TTC6: variants seen among roughly 807,000 people sequenced by gnomAD.
The protein encoded by TTC6 is tetratricopeptide repeat protein 6.
A neutral mutation model predicts 210.4 loss-of-function variants in TTC6; 172 were observed. That is an observed-to-expected ratio of 0.82 (90% confidence interval 0.72 to 0.93). The LOEUF (loss-of-function observed/expected upper bound fraction) is 0.93. TTC6 is among the 40% of genes least tolerant of loss of function. TTC6 has a pLI of 0.00. For missense variants in TTC6, 2,414 were observed against 2,318.1 expected (o/e 1.04, Z -0.85); for synonymous variants, 804 against 819.6 (o/e 0.98, Z 0.32).
exon 10 of TTC6, chr14:37,738,877 A>T: frequency 1.3e-6 from 2 of 1,535,172 alleles, no homozygotes; most frequent in Non-Finnish European, 1.7e-6. Context: ...TGTTTCAGAA[A>T]GCAAAGGAAT....
Position 37,671,170 on chromosome 14 carries a change from C to T in TTC6, c.940-8981C>T, listed in dbSNP as rs177901. Among the ~76,000 whole-genome samples, 595 of 152,262 alleles carry T rather than the reference C, an allele frequency of 3.9e-3. 8 individuals are homozygous for T. Among genetic ancestry groups the T allele is most frequent in the African/African-American group, 0.013 (538 of 41,556 alleles). ...TGAGGGATCTGCTCCCAGGATGCCT[C>T]AGTCATAAGACTGGCAATTTGGTGC... On this transcript the variant is annotated intron_variant, in intron 1 of 30. Transcript: ENST00000553443.
intron 1 of TTC6, among the ~76,000 whole-genome samples, chr14:37,632,719 G>A (rs189739694): frequency 8.1e-4 from 124 of 152,296 alleles, no homozygotes; most frequent in African/African-American, 3.0e-3. Flanking sequence ...TGCACCCCCA[G>A]CCGCCCCTTC....
At chr14:37,661,408 A>G (rs971196131) in intron 1 of TTC6, among the ~76,000 whole-genome samples, 4 of 152,166 alleles carry the variant, frequency 2.6e-5, no homozygotes, top group Admixed American at 2.6e-4. Flanking sequence ...TTCTCCTAGC[A>G]CCATTTATTG....
chr14:37,840,869 ATTT>A (rs71127249), intron 29 of TTC6, among the ~76,000 whole-genome samples: 334 of 137,576 alleles, frequency 2.4e-3, no homozygotes, highest in Middle Eastern at 7.4e-3. Flanking sequence ...CAGTGGGAGG[ATTT>A]TTTTTTTTTT....
intron 1 of TTC6, among the ~76,000 whole-genome samples, chr14:37,674,403 G>A (rs1183607129): frequency 1.3e-5 from 2 of 151,840 alleles, no homozygotes; most frequent in Non-Finnish European, 2.9e-5. Context: ...AAATTATGAT[G>A]GTACCAATAG....
intron 7 of TTC6, among the ~76,000 whole-genome samples, chr14:37,726,755 T>C (rs1332270302): frequency 1.3e-5 from 2 of 152,142 alleles, no homozygotes; most frequent in Middle Eastern, 3.2e-3. Context: ...TAAAATTTTT[T>C]CTTTTCTAAT....
At chr14:37,748,865 G>T in intron 10 of TTC6, 74 bp from the exon 13 acceptor site, 2 of 1,189,436 alleles carry the variant, frequency 1.7e-6, no homozygotes, top group Non-Finnish European at 2.2e-6. Flanking sequence ...TTTTATGTGT[G>T]GCTGAGTTGA....
chr14:37,725,312 G>GTATGTATA (rs1555391404), intron 7 of TTC6, among the ~76,000 whole-genome samples: 10 of 33,910 alleles, frequency 2.9e-4, no homozygotes, highest in Non-Finnish European at 3.9e-4. Context: ...GTGTGTGTGT[G>GTATGTATA]TATATATATA....
In TTC6 at chr14:37,650,194, T is replaced by G. The variant is rs578229351; in HGVS notation, c.939+27191T>G. ...AGAGGCGCTAAGTTGATCTTTTTCT[T>G]GAGGACGAAGGGCACCATTTTGGAT... On this transcript the variant is annotated intron_variant, in intron 1 of 30. Coordinates refer to ENST00000553443, the Ensembl canonical transcript of TTC6. Among the ~76,000 whole-genome samples, 8 of 152,348 alleles carry G rather than the reference T, an allele frequency of 5.3e-5. No homozygotes were observed. The South Asian group carries it at 1.4e-3, about 28-fold the overall frequency.
intron 14 of TTC6, among the ~76,000 whole-genome samples, chr14:37,771,921 C>A (rs994604052): frequency 6.6e-6 from 1 of 152,240 alleles, no homozygotes; most frequent in South Asian, 2.1e-4. Context: ...TGTTTTTTCC[C>A]CATCTTTGTG....
rs967504305 is a variant in TTC6, at chr14:37,765,325, ATTTTTTT to A, written c.3266+12104_3266+12110del. Among the ~76,000 whole-genome samples, 1,102 of 132,926 alleles carry A rather than the reference ATTTTTTT, an allele frequency of 8.3e-3. 5 individuals carry two copies. The highest frequency in any genetic ancestry group is 0.013 in the Admixed American group (165 of 12,368). The allele number at this position is 132,926 out of a possible 152,430, so 87.2% of individuals were successfully genotyped here. A position where few individuals can be genotyped will look rare whatever the true frequency, so the allele number is the denominator to read the frequency against. ...CTATAGGTGCACACCACCACACCTA[ATTTTTTT>A]TTTTTTTTTTTTTGTAGAGAGGCAC... On this transcript the variant is annotated intron_variant, in intron 14 of 30. Coordinates refer to ENST00000553443, the Ensembl canonical transcript of TTC6.
chr14:37,599,487 AT>A (rs2095611144), intron 1 of TTC6, among the ~76,000 whole-genome samples: 4 of 152,124 alleles, frequency 2.6e-5, no homozygotes, highest in Admixed American at 2.6e-4. Flanking sequence ...CACTTATTTT[AT>A]TGAAGCAAAC....
rs746393266 is a variant in TTC6, at chr14:37,749,213, C to A, written c.2638C>A (p.Leu880Ile). 4.6e-6 allele frequency: 7 copies of A among 1,530,718 alleles called. No individual in the cohort carries two copies. The East Asian group carries it at 1.5e-4, about 32-fold the overall frequency. The allele number at this position is 1,530,718 out of a possible 1,614,324, so 94.8% of individuals were successfully genotyped here. Residue 880 changes from leucine (L) to isoleucine (I), a missense_variant, in exon 11 of 31, where the codon CTA (leucine) becomes ATA (isoleucine). Physicochemically the swap from Leu to Ile is conservative, Grantham distance 5. Coordinates refer to ENST00000553443, the Ensembl canonical transcript of TTC6. ...TGAAAGAGTGAAAGAACCACCAAAA[C>A]TAAAATTAAATGATTATGTGGAGTC...
At chr14:37,790,778 A>G in exon 16 of TTC6, 2 of 1,534,734 alleles carry the variant, frequency 1.3e-6, no homozygotes, top group Non-Finnish European at 1.7e-6. Context: ...TAGTCTATGC[A>G]CATCTAAAAC....
chr14:37,657,635 C>A (rs2095727309), intron 1 of TTC6, among the ~76,000 whole-genome samples: 1 of 151,976 alleles, frequency 6.6e-6, no homozygotes, highest in South Asian at 2.1e-4. Context: ...AGATTTCTTT[C>A]AAAGATGATA....
chr14:37,750,002 G>A lies in TTC6; in HGVS notation c.2956+159G>A, dbSNP rs200930111. Among the ~76,000 whole-genome samples, 52 of 152,090 alleles carry A rather than the reference G, an allele frequency of 3.4e-4. No individual in the cohort carries two copies. The East Asian group carries it at 7.3e-3, about 21-fold the overall frequency. ...TCTTGTTATTGTAAATCCGGGGCTC[G>A]TACAATCCTATAGTGTTTTTAAAAT... On this transcript the variant is annotated intron_variant, in intron 12 of 30. Transcript: ENST00000553443.
intron 24 of TTC6, among the ~76,000 whole-genome samples, chr14:37,811,341 T>G (rs2096129131): frequency 6.6e-6 from 1 of 152,220 alleles, no homozygotes. Flanking sequence ...TGGCAATTTT[T>G]ATTTTTAATT....
intron 1 of TTC6, among the ~76,000 whole-genome samples, chr14:37,645,585 T>G (rs1478339544): frequency 2.0e-5 from 3 of 152,050 alleles, no homozygotes; most frequent in African/African-American, 7.2e-5. Context: ...AAAAGGACCA[T>G]AGGAGAACAT....
At chr14:37,813,799 T>C (rs1403660042) in intron 25 of TTC6, among the ~76,000 whole-genome samples, 2 of 152,136 alleles carry the variant, frequency 1.3e-5, no homozygotes, top group African/African-American at 2.4e-5. Flanking sequence ...GTCCCCTCTT[T>C]CCTCACACCC....
Sources: gnomAD v4.1 joint callset for allele counts (sites outside exome capture counted in the v4.1 genomes callset) on GRCh38, gnomAD v4.1.1 for gene constraint, MANE v1.5 for transcripts, NCBI Gene and HGNC (gene_info 2026-07-23, HGNC 2026-07-21) for gene names.